Variants in ADAM32 observed in about 807,000 individuals in gnomAD.
ADAM32 encodes the protein disintegrin and metalloproteinase domain-containing protein 32.
Under a neutral mutation model 114.9 loss-of-function variants are expected in ADAM32, and 89 were observed. The ratio of observed to expected loss-of-function variants is 0.77; its 90% CI spans 0.65 to 0.92. ADAM32 has a LOEUF of 0.92. ADAM32 is among the 40% of genes least tolerant of loss of function. ADAM32 has a pLI of 0.00. For missense variants in ADAM32, 870 were observed against 932.8 expected (o/e 0.93, Z 0.88); for synonymous variants, 285 against 307.5 (o/e 0.93, Z 0.77).
At chr8:39,272,894 T>C (rs1812821585) in intron 20 of ADAM32, among the ~76,000 whole-genome samples, 1 of 152,212 alleles carries the variant, frequency 6.6e-6, no homozygotes, top group South Asian at 2.1e-4. Context: ...AACAAACACA[T>C]TGTACAAATT....
intron 5 of ADAM32, 51 bp downstream of exon 5, chr8:39,149,918 C>A: frequency 6.8e-7 from 1 of 1,471,448 alleles, no homozygotes; most frequent in Non-Finnish European, 9.4e-7. Flanking sequence ...TATTTGGCTG[C>A]AGTGAATTTG....
At chr8:39,160,433 C>T (rs570193625) in intron 6 of ADAM32, among the ~76,000 whole-genome samples, 56 of 151,044 alleles carry the variant, frequency 3.7e-4, no homozygotes, top group Non-Finnish European at 7.2e-4. Context: ...CCAGCTACTC[C>T]GGAGGCTGAT....
rs1349166685 is a variant in ADAM32 at position 39,147,281 on chromosome 8, G to A, written c.276+76G>A. On this transcript the variant is annotated intron_variant, in intron 4 of 24. Coordinates refer to ENST00000379907, the MANE Select transcript of ADAM32 (RefSeq NM_145004.7). ...AAATAAATGCTTTATTATACAGAAG[G>A]CTCTCAAGATTCACAGGGGATATAT... 13 of 605,048 alleles carry A rather than the reference G, an allele frequency of 2.1e-5. No homozygotes were observed. In the African/African-American group the frequency reaches 2.5e-4, roughly 12 times the overall value. 37.5% of individuals were successfully genotyped at this position (605,048 alleles called of 1,614,324 possible).
chr8:39,111,720 CAAAAAAA>C (rs11343568), intron 1 of ADAM32, among the ~76,000 whole-genome samples: 5 of 78,300 alleles, frequency 6.4e-5, no homozygotes, highest in African/African-American at 1.4e-4. Context: ...GACTCTTTCT[CAAAAAAA>C]AAAAAAAAAA....
chr8:39,129,562 T>C (rs1802318484), intron 2 of ADAM32, among the ~76,000 whole-genome samples: 1 of 152,206 alleles, frequency 6.6e-6, no homozygotes, highest in Non-Finnish European at 1.5e-5. Context: ...GGTGTATAAT[T>C]CTTTTTATAT....
At chr8:39,214,167 C>T (rs576625227) in intron 12 of ADAM32, among the ~76,000 whole-genome samples, 7 of 152,116 alleles carry the variant, frequency 4.6e-5, no homozygotes, top group East Asian at 3.9e-4. Context: ...GATATCTCTT[C>T]GACGTAATGA....
intron 9 of ADAM32, chr8:39,165,939 C>T (rs986252459): frequency 1.7e-4 from 26 of 152,032 alleles, no homozygotes; most frequent in African/African-American, 5.8e-4. Flanking sequence ...TTTTCAAATG[C>T]TTGTTGATCA....
At chr8:39,116,347 G>A (rs1372986511) in intron 1 of ADAM32, among the ~76,000 whole-genome samples, 2 of 152,096 alleles carry the variant, frequency 1.3e-5, no homozygotes, top group African/African-American at 2.4e-5. Context: ...TTTTAACAAC[G>A]TTGATTCTTC....
intron 11 of ADAM32, among the ~76,000 whole-genome samples, chr8:39,192,214 C>T (rs908789253): frequency 6.6e-6 from 1 of 152,184 alleles, no homozygotes; most frequent in African/African-American, 2.4e-5. Context: ...ATTTGCATTT[C>T]TGTGGGGTCA....
intron 14 of ADAM32, among the ~76,000 whole-genome samples, chr8:39,225,540 G>A (rs747199075): frequency 1.3e-5 from 2 of 152,128 alleles, no homozygotes; most frequent in Admixed American, 6.5e-5. Context: ...GAAATTGCCC[G>A]GGGCCATGAC....
chr8:39,230,757 G>A (rs968475342), intron 14 of ADAM32, among the ~76,000 whole-genome samples: 3 of 152,128 alleles, frequency 2.0e-5, no homozygotes, highest in Non-Finnish European at 2.9e-5. Context: ...AAAAAAATGT[G>A]TATCATAGAA....
At chr8:39,271,848 G>A (rs1812751622) in intron 20 of ADAM32, among the ~76,000 whole-genome samples, 1 of 152,050 alleles carries the variant, frequency 6.6e-6, no homozygotes, top group South Asian at 2.1e-4. Flanking sequence ...TTCACAGACT[G>A]TTAGAAAATA....
At chr8:39,244,232 A>G (rs906043094) in intron 16 of ADAM32, among the ~76,000 whole-genome samples, 28 of 152,346 alleles carry the variant, frequency 1.8e-4, no homozygotes, top group African/African-American at 6.5e-4. Flanking sequence ...CCATCAAAAT[A>G]CCATCATCAT....
At chr8:39,124,007 T>G (rs573353871) in intron 2 of ADAM32, among the ~76,000 whole-genome samples, 1 of 151,902 alleles carries the variant, frequency 6.6e-6, no homozygotes, top group African/African-American at 2.4e-5. Context: ...GTGCCTGGCC[T>G]TCTTTTTTTT....
At chr8:39,262,326 C>A (rs1397549218) in intron 19 of ADAM32, among the ~76,000 whole-genome samples, 1 of 151,740 alleles carries the variant, frequency 6.6e-6, no homozygotes, top group African/African-American at 2.4e-5. Context: ...AATGAATATT[C>A]TTGGCACCTT....
intron 3 of ADAM32, among the ~76,000 whole-genome samples, chr8:39,137,737 C>T (rs10101545): frequency 2.1e-4 from 31 of 147,130 alleles, no homozygotes; most frequent in Admixed American, 2.0e-3. Flanking sequence ...TGCCACTGCA[C>T]GCCAGCCTGG....
chr8:39,283,518 TAAATACAAC>T, intron 23 of ADAM32, 59 bp from the exon 24 acceptor site: 1 of 1,272,680 alleles, frequency 7.9e-7, no homozygotes, highest in Non-Finnish European at 1.1e-6. Flanking sequence ...CCATAACAAA[TAAATACAAC>T]ATAAGTTTGA....
chr8:39,130,361 CTTTG>C (rs1012415778), intron 2 of ADAM32, among the ~76,000 whole-genome samples: 2 of 151,566 alleles, frequency 1.3e-5, no homozygotes, highest in Non-Finnish European at 2.9e-5. Context: ...CATTGATTTT[CTTTG>C]TTTTTTTGTT....
intron 11 of ADAM32, among the ~76,000 whole-genome samples, chr8:39,207,598 C>T (rs1807931534): frequency 6.6e-6 from 1 of 152,208 alleles, no homozygotes; most frequent in Admixed American, 6.5e-5. Context: ...TTGGAATATG[C>T]ACTACATTGT....
Sources: gnomAD v4.1 joint callset for allele counts (sites outside exome capture counted in the v4.1 genomes callset) on GRCh38, gnomAD v4.1.1 for gene constraint, MANE v1.5 for transcripts, NCBI Gene and HGNC (gene_info 2026-07-23, HGNC 2026-07-21) for gene names.